The following COL9A3 variants were observed in gnomAD, a reference collection of about 807,000 sequenced individuals.
COL9A3 encodes the protein collagen type IX alpha 3 chain.
Under a neutral mutation model 110.2 loss-of-function variants are expected in COL9A3, and 82 were observed. The ratio of observed to expected loss-of-function variants is 0.74; its 90% CI spans 0.62 to 0.89. COL9A3 has a LOEUF of 0.89. COL9A3 is among the 40% of genes least tolerant of loss of function. The probability of loss-of-function intolerance (pLI) is 0.00; values close to 1 mark genes in which losing one functional copy is unlikely to be tolerated. For missense variants in COL9A3, 1,066 were observed against 981.3 expected, an observed-to-expected ratio of 1.09 and a Z score of -1.15; for synonymous variants, 494 against 403.8, an observed-to-expected ratio of 1.22 and a Z score of -2.68.
chr20:62,827,773 A>G, intron 16 of COL9A3, 150 bp from the exon 17 acceptor site: 1 of 791,126 alleles, frequency 1.3e-6, no homozygotes, highest in East Asian at 2.6e-5. Flanking sequence ...AGTTTTCTCC[A>G]CGCACCCACA....
chr20:62,827,227 C>T lies in COL9A3; in HGVS notation c.793-14C>T. 2.5e-6 allele frequency: 4 copies of T among 1,613,132 alleles called. No homozygotes were observed. The highest frequency in any genetic ancestry group is 3.4e-6 in the Non-Finnish European group (4 of 1,179,866). ...GGTGTTAACTCTGTCCCTGCCCCACCTCATCCTTTCCAGGGTGACCGAGGC... is the reference window on the plus strand; with the variant it reads ...GGTGTTAACTCTGTCCCTGCCCCACTTCATCCTTTCCAGGGTGACCGAGGC... On this transcript the variant is annotated splice_polypyrimidine_tract_variant and intron_variant, in intron 15 of 31. Coordinates refer to ENST00000649368, the MANE Select transcript of COL9A3 (RefSeq NM_001853.4).
Position 62,817,586 on chromosome 20 carries a change from C to T in COL9A3, c.98C>T (p.Pro33Leu). ...TTTCAGAGAGTGGGACTCCCCGGCC[C>T]CCCCGGCCCCCCAGGGCCGCCCGGG... ...AGAQRVGLPG[P>L]PGPPGPPGKP... is the part of the protein sequence containing the mutation. The change falls in exon 2 of 32, where the codon CCC becomes CTC. Residue 33 changes from proline to leucine, a missense_variant. By Grantham distance (98) the Pro-to-Leu change is moderately conservative. Transcript: ENST00000649368. 1 of 1,540,640 alleles carries T rather than the reference C, an allele frequency of 6.5e-7. No homozygotes were observed. Among genetic ancestry groups the T allele is most frequent in the Non-Finnish European group, 8.8e-7 (1 of 1,141,124 alleles).
chr20:62,840,089 C>CT (rs1274333595), intron 31 of COL9A3, among the ~76,000 whole-genome samples: 5 of 152,092 alleles, frequency 3.3e-5, no homozygotes, highest in African/African-American at 1.2e-4. Flanking sequence ...CCATTCTGGA[C>CT]TTTGTCACCT....
intron 24 of COL9A3, 181 bp from the exon 25 acceptor site, chr20:62,831,958 ACAGAGCCATCGGGCC>A: frequency 4.5e-6 from 3 of 668,240 alleles, no homozygotes; most frequent in Non-Finnish European, 5.5e-6. Context: ...GGGAGGCTGG[ACAGAGCCATCGGGCC>A]CAGAGGCTGT....
At position 62,825,071 on chromosome 20, in the gene COL9A3, G is replaced by T. The variant is rs1351849794; in HGVS notation, c.630+50G>T. On this transcript the variant is annotated intron_variant, in intron 12 of 31. Transcript: ENST00000649368. ...GGAGGAGCTGGGGACTGGAGGCTGG[G>T]CTCCGGCGGGAGGGAGGGGCTGGGC... The T allele has an allele frequency of 2.7e-6, 4 of 1,457,868 alleles. No individual in the cohort carries two copies. In the Admixed American group the frequency reaches 7.5e-5, roughly 27 times the overall value. 90.3% of individuals were successfully genotyped at this position (1,457,868 alleles called of 1,614,324 possible).
intron 1 of COL9A3, 34 bp downstream of exon 1, chr20:62,817,176 T>C: frequency 7.4e-7 from 1 of 1,345,386 alleles, no homozygotes; most frequent in Admixed American, 3.0e-5. Flanking sequence ...AGGCTGGACG[T>C]GGAGCCGCGA....
chr20:62,819,353 T>C, intron 4 of COL9A3, 60 bp downstream of exon 4: 1 of 1,501,444 alleles, frequency 6.7e-7, no homozygotes, highest in South Asian at 1.2e-5. Context: ...CCTGGAGGAG[T>C]CCGGCCCTAA....
At chr20:62,819,783 A>G in intron 4 of COL9A3, 146 bp from the exon 5 acceptor site, 2 of 873,522 alleles carry the variant, frequency 2.3e-6, no homozygotes, top group East Asian at 2.5e-5. Context: ...GACAGTGGAC[A>G]GGGCCAAGAG....
chr20:62,830,448 G>C, intron 23 of COL9A3, 35 bp downstream of exon 23: 1 of 1,578,786 alleles, frequency 6.3e-7, no homozygotes, highest in South Asian at 1.2e-5. Flanking sequence ...TGGCATGGGG[G>C]GCGGCACACC....
chr20:62,832,056 G>C, intron 24 of COL9A3, 98 bp from the exon 25 acceptor site: 1 of 1,165,616 alleles, frequency 8.6e-7, no homozygotes, highest in South Asian at 1.2e-5. Flanking sequence ...AGCACAGATG[G>C]AGATGTGGGG....
chr20:62,830,648 C>T, intron 24 of COL9A3, 60 bp downstream of exon 24: 2 of 793,156 alleles, frequency 2.5e-6, no homozygotes, highest in South Asian at 1.7e-5. Flanking sequence ...TACCACAGTC[C>T]CCCACCCCCA....
intron 10 of COL9A3, among the ~76,000 whole-genome samples, chr20:62,823,490 G>A (rs1037942926): frequency 2.0e-5 from 3 of 152,200 alleles, no homozygotes; most frequent in Non-Finnish European, 2.9e-5. Flanking sequence ...CCTGACCACC[G>A]ACGCTGTCTA....
intron 14 of COL9A3, 122 bp from the exon 15 acceptor site, chr20:62,826,645 G>GA (rs2063555646): frequency 3.8e-6 from 4 of 1,048,682 alleles, no homozygotes; most frequent in Non-Finnish European, 5.8e-6. Context: ...CATCTTGGGG[G>GA]AACTTGCTGG....
At chr20:62,826,098 T>C in intron 13 of COL9A3, 106 bp from the exon 14 acceptor site, 1 of 1,288,946 alleles carries the variant, frequency 7.8e-7, no homozygotes, top group East Asian at 2.5e-5. Flanking sequence ...TGAGGGCTCA[T>C]GGAAGACACC....
At chr20:62,832,211 G>A (rs1275033413) in intron 25 of COL9A3, 22 bp downstream of exon 25, 1 of 1,611,860 alleles carries the variant, frequency 6.2e-7, no homozygotes, top group Non-Finnish European at 8.5e-7. Context: ...ACAGGCTGGG[G>A]CAAAAGGAAT....
Position 62,826,258 on chromosome 20 carries a change from G to A in COL9A3, c.738+1G>A. On this transcript the variant is annotated splice_donor_variant, in intron 14 of 31. Coordinates refer to ENST00000649368, the MANE Select transcript of COL9A3 (RefSeq NM_001853.4). LOFTEE classifies it high-confidence loss of function. ...GCCACTCGGGCCCCCTGGGGACCGG[G>A]TAAGTCCTGCAGCCCCTAGTGGGGG... 6.5e-7 allele frequency: 1 copy of A among 1,550,316 alleles called. No individual in the cohort carries two copies. The highest frequency in any genetic ancestry group is 1.9e-5 in the Admixed American group (1 of 51,336).
intron 5 of COL9A3, among the ~76,000 whole-genome samples, chr20:62,820,549 G>C (rs554784868): frequency 6.6e-6 from 1 of 152,276 alleles, no homozygotes; most frequent in Non-Finnish European, 1.5e-5. Flanking sequence ...CTGGGGACAC[G>C]AGGACACAGC....
rs1174580676 is a variant in COL9A3, at chr20:62,840,692, TAGG to T, written c.2019_2021del (p.Gly674del). The T allele has an allele frequency of 1.9e-6, 3 of 1,597,844 alleles. No homozygotes were observed. In the Admixed American group the frequency reaches 5.3e-5, roughly 28 times the overall value. On this transcript the variant is annotated inframe_deletion, in exon 32 of 32. Transcript: ENST00000649368. ...ACCTCAGCCTGCCAAGGAGCCGTGT[TAGG>T]AGGGGTCGGGGAGAAATCAGGCTCT...
chr20:62,832,013 C>A (rs2063600907), intron 24 of COL9A3, 141 bp from the exon 25 acceptor site: 3 of 870,786 alleles, frequency 3.4e-6, no homozygotes, highest in South Asian at 2.7e-5. Context: ...GGGCCTGTGT[C>A]TGGGAGCCGG....
Sources: gnomAD v4.1 joint callset for allele counts (sites outside exome capture counted in the v4.1 genomes callset) on GRCh38, gnomAD v4.1.1 for gene constraint, MANE v1.5 for transcripts, NCBI Gene and HGNC (gene_info 2026-07-23, HGNC 2026-07-21) for gene names.